WDR20: variants seen among roughly 807,000 people sequenced by gnomAD.
WDR20 encodes the protein WD repeat domain 20, also known as WD repeat-containing protein 20.
A neutral mutation model predicts 38.7 loss-of-function variants in WDR20; 3 were observed. The observed-to-expected ratio is 0.08, with a 90% CI of 0.04 to 0.20. The LOEUF is 0.20. Among genes scored for constraint, WDR20 ranks in the 10% least tolerant of loss-of-function variants. WDR20 has a pLI of 1.00. For missense variants in WDR20, 559 were observed against 727.7 expected (o/e 0.77, Z 2.67); for synonymous variants, 298 against 285.6 (o/e 1.04, Z -0.44).
At chr14:102,201,538 G>A (rs1291909355) in intron 2 of WDR20, among the ~76,000 whole-genome samples, 1 of 152,022 alleles carries the variant, frequency 6.6e-6, no homozygotes, top group Non-Finnish European at 1.5e-5. Context: ...TAGTGTTTTC[G>A]CTGTTCGTGG....
downstream of WDR20, chr14:102,224,432 A>G (rs1214181508): frequency 2.6e-6 from 1 of 379,290 alleles, no homozygotes. Flanking sequence ...CTGGAATCCC[A>G]ACAGAATGTG....
downstream of WDR20, among the ~76,000 whole-genome samples, chr14:102,210,753 G>T (rs1161611754): frequency 6.6e-6 from 1 of 152,068 alleles, no homozygotes. Context: ...GAGGTGCGGT[G>T]GGGGAGGGGG....
rs980847329 is a variant in WDR20, at chr14:102,161,916, CTTG to C, written c.249+21750_249+21752del. ...GCCTTTACCAAACCTCCTTCTTTGA[CTTG>C]TTGTTCCAAATTGGATTAACCAGCC... On this transcript the variant is annotated intron_variant, in intron 1 of 2. Coordinates refer to ENST00000342702, the MANE Select transcript of WDR20 (RefSeq NM_144574.4). 4.6e-5 allele frequency among the ~76,000 whole-genome samples: 7 copies of C among 152,300 alleles called. No homozygotes were observed. The South Asian group carries it at 6.2e-4, about 14-fold the overall frequency.
At chr14:102,213,597 C>A, downstream of WDR20, 1 of 985,398 alleles carries the variant, frequency 1.0e-6, no homozygotes, top group South Asian at 4.7e-5. Context: ...GGACACCGTC[C>A]GGGCGGGGCC....
intron 1 of WDR20, chr14:102,157,327 C>T (rs1294024557): frequency 6.6e-6 from 1 of 152,116 alleles, no homozygotes; most frequent in Non-Finnish European, 1.5e-5. Flanking sequence ...TTAGGTAAGT[C>T]TTCCCTTAAC....
chr14:102,173,057 G>A (rs1166377925), intron 1 of WDR20, among the ~76,000 whole-genome samples: 1 of 150,712 alleles, frequency 6.6e-6, no homozygotes, highest in Non-Finnish European at 1.5e-5. Flanking sequence ...TGGGATGGCA[G>A]CCGGGAAGAG....
chr14:102,224,455 A>T, downstream of WDR20: 1 of 398,528 alleles, frequency 2.5e-6, no homozygotes, highest in Non-Finnish European at 5.0e-6. Context: ...GCTACCAAGC[A>T]GAAGAATGTT....
intron 1 of WDR20, among the ~76,000 whole-genome samples, chr14:102,161,439 G>T (rs2058731933): frequency 6.6e-6 from 1 of 151,200 alleles, no homozygotes; most frequent in East Asian, 2.0e-4. Flanking sequence ...TCAGCCTCCT[G>T]AGTAGCTGGG....
At chr14:102,177,479 AGC>A (rs1251063855) in intron 1 of WDR20, among the ~76,000 whole-genome samples, 2 of 152,142 alleles carry the variant, frequency 1.3e-5, no homozygotes, top group Non-Finnish European at 2.9e-5. Flanking sequence ...GGAGTCTACT[AGC>A]TATGAGAAAT....
downstream of WDR20, among the ~76,000 whole-genome samples, chr14:102,217,493 CA>C (rs2063356395): frequency 6.6e-6 from 1 of 152,200 alleles, no homozygotes; most frequent in Non-Finnish European, 1.5e-5. Context: ...TGTCACCTGT[CA>C]GTGGACAGGT....
At chr14:102,154,580 T>C (rs1232350911) in intron 1 of WDR20, among the ~76,000 whole-genome samples, 1 of 152,246 alleles carries the variant, frequency 6.6e-6, no homozygotes, top group Non-Finnish European at 1.5e-5. Context: ...TTTACTTATG[T>C]ATGCATTTGT....
downstream of WDR20, among the ~76,000 whole-genome samples, chr14:102,217,753 G>A (rs987806197): frequency 6.6e-6 from 1 of 152,246 alleles, no homozygotes; most frequent in Non-Finnish European, 1.5e-5. Flanking sequence ...GAGAATGGTG[G>A]GAGTCTTGCA....
At chr14:102,172,273 A>T (rs954090335) in intron 1 of WDR20, among the ~76,000 whole-genome samples, 2 of 150,694 alleles carry the variant, frequency 1.3e-5, no homozygotes, top group African/African-American at 4.8e-5. Context: ...TTTTCTTAGT[A>T]CAGAACAAAA....
At chr14:102,170,742 C>T (rs942220395) in intron 1 of WDR20, among the ~76,000 whole-genome samples, 1 of 152,076 alleles carries the variant, frequency 6.6e-6, no homozygotes, top group Non-Finnish European at 1.5e-5. Context: ...GATCGTTCCA[C>T]CTCAGCCTCT....
chr14:102,214,768 A>G (rs2063005710), downstream of WDR20: 6 of 979,482 alleles, frequency 6.1e-6, no homozygotes, highest in Non-Finnish European at 7.3e-6. Flanking sequence ...CCTTCCTAAC[A>G]TGAAATATTG....
chr14:102,143,752 C>T (rs956810547), intron 1 of WDR20, among the ~76,000 whole-genome samples: 3 of 151,866 alleles, frequency 2.0e-5, no homozygotes, highest in Admixed American at 2.0e-4. Context: ...ATCATATTGG[C>T]CAGGCTGGTC....
At chr14:102,173,437 ATTATTATTATTATTATT>A (rs2061398117) in intron 1 of WDR20, among the ~76,000 whole-genome samples, 1 of 822 alleles carries the variant, frequency 1.2e-3, no homozygotes, top group East Asian at 0.045. Flanking sequence ...TTTTAAAATT[ATTATTATTATTATTATT>A]ATTATTATTA....
At chr14:102,216,926 CTG>C (rs2063290213), downstream of WDR20, among the ~76,000 whole-genome samples, 1 of 152,098 alleles carries the variant, frequency 6.6e-6, no homozygotes, top group Admixed American at 6.5e-5. Context: ...GAGCGAGACT[CTG>C]TCTTAAAGAA....
chr14:102,158,073 C>G (rs148451170), intron 1 of WDR20, among the ~76,000 whole-genome samples: 1 of 152,140 alleles, frequency 6.6e-6, no homozygotes, highest in African/African-American at 2.4e-5. Context: ...TACCCCTGTT[C>G]CAGTGCAGTG....
Sources: allele counts gnomAD v4.1 joint callset (sites outside exome capture counted in the v4.1 genomes callset), GRCh38; gene constraint gnomAD v4.1.1; transcripts MANE v1.5; gene names NCBI Gene and HGNC (gene_info 2026-07-23, HGNC 2026-07-21).